PGAP2: variants seen among roughly 807,000 people sequenced by gnomAD.
PGAP2 encodes post-GPI attachment to proteins 2.
In PGAP2, 21 loss-of-function variants were observed where a neutral mutation model predicts 33.2. That is an observed-to-expected ratio of 0.63 (90% CI 0.45 to 0.91). The LOEUF is 0.91. Ranked by LOEUF, PGAP2 falls within the 40% of genes least tolerant of loss-of-function variation. The probability of loss-of-function intolerance (pLI) is 0.00; values close to 1 mark genes in which losing one functional copy is unlikely to be tolerated. For synonymous variants in PGAP2, 161 were observed against 172.9 expected (o/e 0.93, Z 0.54); for missense variants, 345 against 424.0 (o/e 0.81, Z 1.64).
At chr11:3,813,999 A>C (rs980090612) in intron 2 of PGAP2, among the ~76,000 whole-genome samples, 4 of 152,148 alleles carry the variant, frequency 2.6e-5, no homozygotes, top group African/African-American at 7.2e-5. Flanking sequence ...TGTGACCCTG[A>C]GGGTATGTTG....
At chr11:3,806,847 C>T (rs1245105140), upstream of PGAP2, among the ~76,000 whole-genome samples, 3 of 152,026 alleles carry the variant, frequency 2.0e-5, no homozygotes, top group African/African-American at 7.3e-5. Context: ...TATGGCGAAA[C>T]CCCATCTCTA....
chr11:3,823,655 G>T, intron 3 of PGAP2: 1 of 1,545,844 alleles, frequency 6.5e-7, no homozygotes. Flanking sequence ...GTGCCACCAT[G>T]CTGCTGCACA....
At chr11:3,825,226 T>C in intron 6 of PGAP2, 98 bp downstream of exon 6, 1 of 1,549,940 alleles carries the variant, frequency 6.5e-7, no homozygotes, top group South Asian at 1.1e-5. Flanking sequence ...TGGCTGCCAT[T>C]GTGTTCTCTG....
intron 2 of PGAP2, 88 bp from the exon 3 acceptor site, chr11:3,817,265 C>G (rs1331840411): frequency 4.0e-6 from 4 of 998,644 alleles, no homozygotes; most frequent in Non-Finnish European, 3.1e-6. Flanking sequence ...TTTCCTTATA[C>G]TCTGAGGAGC....
chr11:3,807,213 T>C (rs566930045), upstream of PGAP2, among the ~76,000 whole-genome samples: 7 of 143,022 alleles, frequency 4.9e-5, no homozygotes, highest in South Asian at 1.2e-3. Context: ...AGCGGGCGCC[T>C]GTTAATTCCA....
In PGAP2 at chr11:3,824,314, G is replaced by A. The variant is rs1064797152; in HGVS notation, c.646G>A (p.Gly216Arg). The change falls in exon 5 of 7, where the codon GGG (glycine) becomes AGG (arginine). Residue 216 changes from glycine to arginine, a missense_variant. This residue lies in a region of PGAP2 where 311 missense variants were observed against 353.6 expected (regional missense o/e 0.88). Transcript: ENST00000278243. ...AFIVFIASSL[G>R]HMLLTCILWR... ...CATTGTGTTCATTGCCTCATCCCTC[G>A]GGCACATGCTCCTCACCTGCATTCT... 14 of 1,614,022 alleles carry A rather than the reference G, an allele frequency of 8.7e-6. No homozygotes were observed. The highest frequency in any genetic ancestry group is 1.1e-5 in the Non-Finnish European group (13 of 1,180,034).
rs1255741760 is a variant in PGAP2 at position 3,797,936 on chromosome 11, G to GC, written c.94dup (p.Leu32ProfsTer17). The stretch of plus-strand genomic sequence containing the variant: ...CCTTCCTTGGAGCGCCGCGACTCGG[G>GC]CTGAGGGAGCTCGGGCCAATCAGAG... On this transcript the variant is annotated frameshift_variant, in exon 1 of 7. Coordinates refer to the PGAP2 transcript ENST00000300730. LOFTEE classifies it high-confidence loss of function. The GC allele has an allele frequency of 3.2e-6, 5 of 1,548,452 alleles. No homozygotes were observed. Among genetic ancestry groups the GC allele is most frequent in the Non-Finnish European group, 4.4e-6 (5 of 1,145,554 alleles).
At chr11:3,822,140 G>A (rs777408293) in intron 3 of PGAP2, among the ~76,000 whole-genome samples, 4 of 152,034 alleles carry the variant, frequency 2.6e-5, no homozygotes, top group African/African-American at 9.7e-5. Flanking sequence ...CGAGGTGGGC[G>A]GATCACGAGG....
intron 3 of PGAP2, among the ~76,000 whole-genome samples, chr11:3,820,592 G>A (rs1416074070): frequency 1.3e-5 from 2 of 152,016 alleles, no homozygotes; most frequent in Non-Finnish European, 2.9e-5. Flanking sequence ...CCTGGGAGGT[G>A]GAGTTTGCAA....
intron 1 of PGAP2, among the ~76,000 whole-genome samples, chr11:3,801,896 G>T (rs187897687): frequency 6.6e-6 from 1 of 151,930 alleles, no homozygotes; most frequent in Non-Finnish European, 1.5e-5. Context: ...AGTGAGCCAA[G>T]ATTGCACCAC....
chr11:3,816,764 A>G (rs1012947664), intron 2 of PGAP2, among the ~76,000 whole-genome samples: 69 of 151,856 alleles, frequency 4.5e-4, no homozygotes, highest in African/African-American at 1.3e-3. Flanking sequence ...GCTCTGGGGC[A>G]CTCCCTCTGT....
At position 3,808,564 on chromosome 11, in the gene PGAP2, G is replaced by C. The variant is rs1311309426; in HGVS notation, c.-98G>C. On this transcript the variant is annotated 5_prime_UTR_variant, in exon 1 of 7. Transcript: ENST00000278243. ...AGCGCCGGCCCCGCCCCCGCCGTTC[G>C]CGCTCTGACCAGCCCGCAGAGCCAG... is the stretch of plus-strand genomic sequence containing the variant. 10 of 1,390,998 alleles carry C rather than the reference G, an allele frequency of 7.2e-6. No individual in the cohort carries two copies. The Admixed American group carries it at 9.3e-5, about 13-fold the overall frequency. 86.2% of individuals were successfully genotyped at this position (1,390,998 alleles called of 1,614,324 possible).
upstream of PGAP2, chr11:3,808,522 C>T (rs2084875462): frequency 7.1e-7 from 1 of 1,408,840 alleles, no homozygotes; most frequent in Non-Finnish European, 9.2e-7. Context: ...AGTTTCCTCT[C>T]TAAGTTCCGC....
At chr11:3,806,934 T>C (rs914010949), upstream of PGAP2, among the ~76,000 whole-genome samples, 7 of 151,744 alleles carry the variant, frequency 4.6e-5, no homozygotes, top group African/African-American at 1.5e-4. Flanking sequence ...GATAGGAGAA[T>C]TGCTTGAACC....
intron 2 of PGAP2, among the ~76,000 whole-genome samples, chr11:3,815,588 C>T (rs2086835883): frequency 6.6e-6 from 1 of 152,140 alleles, no homozygotes; most frequent in Non-Finnish European, 1.5e-5. Context: ...AAATGGTTTC[C>T]AGGCTCTTCC....
chr11:3,802,408 T>A (rs2083587626), intron 1 of PGAP2, among the ~76,000 whole-genome samples: 1 of 152,210 alleles, frequency 6.6e-6, no homozygotes, highest in African/African-American at 2.4e-5. Flanking sequence ...AACACCTCTT[T>A]TAGGTATCAT....
At position 3,821,232 on chromosome 11, in the gene PGAP2, G is replaced by A. The variant is rs113413459; in HGVS notation, c.349-2651G>A. Among the ~76,000 whole-genome samples the A allele has an allele frequency of 1.5e-3, 225 of 152,204 alleles. 1 individual carries two copies. Among genetic ancestry groups the A allele is most frequent in the African/African-American group, 3.8e-3 (156 of 41,560 alleles). On this transcript the variant is annotated intron_variant, in intron 3 of 6. Coordinates refer to ENST00000278243, the MANE Select transcript of PGAP2 (RefSeq NM_014489.4). ...CTACCTGTGGGCTGCCCTATGAGCC[G>A]CCTGCAGCATTGCTCACCTTCTCAG...
At position 3,801,451 on chromosome 11, in the gene PGAP2, G is replaced by T. The variant is rs1482575862; in HGVS notation, c.139+3469G>T. On this transcript the variant is annotated intron_variant, in intron 1 of 6. Transcript: ENST00000300730. ...AGGTCAGGAGATCGAGACCATCCTG[G>T]CTAACATGGTGAAACCCCGTCTGTA... Among the ~76,000 whole-genome samples, 5 of 149,450 alleles carry T rather than the reference G, an allele frequency of 3.3e-5. No homozygotes were observed. The East Asian group carries it at 1.0e-3, about 30-fold the overall frequency.
intron 3 of PGAP2, chr11:3,822,876 C>A: frequency 8.5e-7 from 1 of 1,177,762 alleles, no homozygotes; most frequent in Non-Finnish European, 1.2e-6. Context: ...CCAGTCCCTG[C>A]AGCTGTGTAT....
Sources: allele counts gnomAD v4.1 joint callset (sites outside exome capture counted in the v4.1 genomes callset), GRCh38; gene constraint gnomAD v4.1.1; regional missense constraint gnomAD v4.1.1; transcripts MANE v1.5; gene names NCBI Gene and HGNC (gene_info 2026-07-23, HGNC 2026-07-21).